MYO10: variants seen among roughly 807,000 people sequenced by gnomAD.
The protein encoded by MYO10 is unconventional myosin-X.
Under a neutral mutation model 257.3 loss-of-function variants are expected in MYO10, and 133 were observed. The ratio of observed to expected loss-of-function variants is 0.52; its 90% CI spans 0.45 to 0.60. The LOEUF (loss-of-function observed/expected upper bound fraction) is 0.60, where lower values mean the gene tolerates loss of function less well. MYO10 is among the 20% of genes least tolerant of loss of function. The probability of loss-of-function intolerance (pLI) is 0.00; values close to 1 mark genes in which losing one functional copy is unlikely to be tolerated. For missense variants in MYO10, 2,399 were observed against 2,635.7 expected, an observed-to-expected ratio of 0.91 and a Z score of 1.97; for synonymous variants, 1,104 against 1,028.6, an observed-to-expected ratio of 1.07 and a Z score of -1.40.
chr5:16,663,328 G>GTTTGT lies in MYO10; in HGVS notation c.*3363_*3364insACAAA, dbSNP rs1736042206. Reference sequence around the variant, plus strand: ...AAAAAGTAACATTTTACTTCTAGTTGTTTTTTTTTTTTTTTTTTTTTTTTT... The same window carrying GTTTGT: ...AAAAAGTAACATTTTACTTCTAGTTGTTTGTTTTTTTTTTTTTTTTTTTTTTTTTT... On this transcript the variant is annotated 3_prime_UTR_variant, in exon 41 of 41. Transcript: ENST00000513610. 11 of 76,888 alleles carry GTTTGT rather than the reference G, an allele frequency of 1.4e-4. No individual in the cohort carries two copies. The highest frequency in any genetic ancestry group is 7.1e-4 in the African/African-American group (11 of 15,522). 4.8% of individuals were successfully genotyped at this position (76,888 alleles called of 1,614,324 possible).
In MYO10 at chr5:16,664,725, T is replaced by C. The variant is rs1736087637; in HGVS notation, c.*1967A>G. 6.6e-6 allele frequency: 1 copy of C among 152,232 alleles called. No individual in the cohort carries two copies. The allele number at this position is 152,232 out of a possible 1,614,324, so 9.4% of individuals were successfully genotyped here. A position where few individuals can be genotyped will look rare whatever the true frequency, so the allele number is the denominator to read the frequency against. ...TGCAAGATCAGGCACACTTTGGGGC[T>C]GACATAGGGGACTGTCTGACATAAA... On this transcript the variant is annotated 3_prime_UTR_variant, in exon 41 of 41. Coordinates refer to ENST00000513610, the MANE Select transcript of MYO10 (RefSeq NM_012334.3).
At chr5:16,911,604 C>T (rs1179483479) in intron 1 of MYO10, among the ~76,000 whole-genome samples, 4 of 151,932 alleles carry the variant, frequency 2.6e-5, no homozygotes, top group East Asian at 1.9e-4. Context: ...TTGTGGTGCA[C>T]GCCTGTAGTC....
chr5:16,865,689 T>C (rs946724779), intron 2 of MYO10, among the ~76,000 whole-genome samples: 5 of 151,932 alleles, frequency 3.3e-5, no homozygotes, highest in African/African-American at 1.2e-4. Context: ...CAGGCGTCTG[T>C]AGTCCCAGCT....
chr5:16,888,395 A>G (rs548898572), intron 1 of MYO10, among the ~76,000 whole-genome samples: 1 of 151,902 alleles, frequency 6.6e-6, no homozygotes, highest in African/African-American at 2.4e-5. Context: ...AAATTACTCA[A>G]GACCAGCCTG....
intron 28 of MYO10, among the ~76,000 whole-genome samples, 193 bp downstream of exon 28, chr5:16,689,631 A>T (rs1737402662): frequency 6.6e-6 from 1 of 151,580 alleles, no homozygotes; most frequent in Admixed American, 6.6e-5. Context: ...TCTGTGCTGT[A>T]CTTGAACACA....
At chr5:16,795,077 T>G (rs2560841) in intron 3 of MYO10, among the ~76,000 whole-genome samples, 1 of 150,928 alleles carries the variant, frequency 6.6e-6, no homozygotes. Flanking sequence ...CCAGGCCCAG[T>G]CCCTGCTCCC....
chr5:16,713,263 G>A (rs1738701689), intron 19 of MYO10: 15 of 954,652 alleles, frequency 1.6e-5, no homozygotes, highest in Non-Finnish European at 1.9e-5. Flanking sequence ...TCCGAAGCTC[G>A]AGTTATTAAA....
chr5:16,935,763 C>T, intron 1 of MYO10, 25 bp downstream of exon 1: 2 of 1,613,442 alleles, frequency 1.2e-6, no homozygotes, highest in Non-Finnish European at 1.7e-6. Flanking sequence ...CTCCGGAGGC[C>T]AGGTCGGACT....
chr5:16,716,168 T>C lies in MYO10; in HGVS notation c.1930-4923A>G, dbSNP rs568184430. Among the ~76,000 whole-genome samples the C allele has an allele frequency of 1.2e-4, 18 of 152,094 alleles. No homozygotes were observed. In the South Asian group the frequency reaches 2.1e-3, roughly 18 times the overall value. Reference sequence around the variant, plus strand: ...TGGAGACAGGACGAAATCTATGTAGTTTTAATGTATACTTTGGATAATTTA... The same window carrying C: ...TGGAGACAGGACGAAATCTATGTAGCTTTAATGTATACTTTGGATAATTTA... On this transcript the variant is annotated intron_variant, in intron 19 of 40. Transcript: ENST00000513610.
rs184262351 is a variant in MYO10 at position 16,672,712 on chromosome 5, A to G, written c.5286T>C (p.Ala1762=). ...DKAIESRTVV[A]DVLAKFEKLA... is the part of the protein sequence containing the mutation. The stretch of plus-strand genomic sequence containing the variant: ...ACTTTTCAAACTTGGCTAAGACATC[A>G]GCTACGACGGTTCGACTTTCAATGG... The change falls in exon 37 of 41, where the codon GCT becomes GCC. Residue 1762 remains alanine (A), a synonymous_variant. Coordinates refer to ENST00000513610, the MANE Select transcript of MYO10 (RefSeq NM_012334.3). The G allele has an allele frequency of 1.2e-6, 2 of 1,614,042 alleles. No individual in the cohort carries two copies. The highest frequency in any genetic ancestry group is 2.2e-5 in the East Asian group (1 of 44,886).
intron 2 of MYO10, among the ~76,000 whole-genome samples, chr5:16,875,452 C>T (rs1398478962): frequency 6.6e-6 from 1 of 152,146 alleles, no homozygotes; most frequent in Non-Finnish European, 1.5e-5. Flanking sequence ...GACTACAGAT[C>T]ATACTATACT....
chr5:16,773,766 A>G (rs957743560), intron 9 of MYO10, among the ~76,000 whole-genome samples: 53 of 152,246 alleles, frequency 3.5e-4, no homozygotes, highest in African/African-American at 1.2e-3. Flanking sequence ...TAAGTTCTAA[A>G]AAAAAATACA....
At chr5:16,781,469 A>G (rs748525156) in intron 6 of MYO10, among the ~76,000 whole-genome samples, 7 of 152,140 alleles carry the variant, frequency 4.6e-5, no homozygotes, top group Non-Finnish European at 8.8e-5. Context: ...CTTGAGCTCA[A>G]GCAATCCTCC....
At chr5:16,889,778 G>T (rs2562341) in intron 1 of MYO10, among the ~76,000 whole-genome samples, 1 of 151,134 alleles carries the variant, frequency 6.6e-6, no homozygotes. Context: ...GGACAGAAAG[G>T]GCAATAAAAG....
chr5:16,927,256 A>G (rs1158493960), intron 1 of MYO10, among the ~76,000 whole-genome samples: 1 of 149,844 alleles, frequency 6.7e-6, no homozygotes, highest in Non-Finnish European at 1.5e-5. Flanking sequence ...ATCTACCACA[A>G]ACATGAAGAG....
Position 16,681,305 on chromosome 5 carries a change from T to G in MYO10, c.4384+4A>C, listed in dbSNP as rs767513216. The G allele has an allele frequency of 1.2e-6, 2 of 1,605,358 alleles. No individual in the cohort carries two copies. The highest frequency in any genetic ancestry group is 1.1e-5 in the South Asian group (1 of 89,180). ...CTCAGGGTTCGGGCAGCCAGCCTGG[T>G]TACCTGTCTCTTTGAATATCTTCTC... On this transcript the variant is annotated splice_donor_region_variant and intron_variant, in intron 32 of 40. Transcript: ENST00000513610.
At chr5:16,676,220 A>C in intron 33 of MYO10, 66 bp from the exon 34 acceptor site, 2 of 1,576,588 alleles carry the variant, frequency 1.3e-6, no homozygotes, top group East Asian at 2.3e-5. Context: ...ATATTTTTCA[A>C]GACTCTCAAA....
intron 22 of MYO10, among the ~76,000 whole-genome samples, chr5:16,703,821 G>A (rs532776843): frequency 6.5e-4 from 96 of 147,790 alleles, no homozygotes; most frequent in African/African-American, 2.3e-3. Context: ...GGCGGAGGTT[G>A]CAGTGGGCTG....
At chr5:16,779,200 T>C (rs1741326245) in intron 9 of MYO10, among the ~76,000 whole-genome samples, 2 of 152,154 alleles carry the variant, frequency 1.3e-5, no homozygotes, top group Admixed American at 6.6e-5. Context: ...AGCCCCAAAA[T>C]GGAGGATCTG....
Sources: allele counts gnomAD v4.1 joint callset (sites outside exome capture counted in the v4.1 genomes callset), GRCh38; gene constraint gnomAD v4.1.1; transcripts MANE v1.5; gene names NCBI Gene and HGNC (gene_info 2026-07-23, HGNC 2026-07-21).